Variants in SEZ6L observed in about 807,000 individuals in gnomAD.
SEZ6L encodes the protein seizure related 6 homolog like.
In SEZ6L, 37 loss-of-function variants were observed where a neutral mutation model predicts 106.2. The ratio of observed to expected loss-of-function variants is 0.35; its 90% CI spans 0.27 to 0.46. The LOEUF (loss-of-function observed/expected upper bound fraction) is 0.46. Among genes scored for constraint, SEZ6L ranks in the 20% least tolerant of loss-of-function variants. The pLI, the probability that SEZ6L is intolerant of heterozygous loss-of-function variation, is 1.00. For missense variants in SEZ6L, 1,172 were observed against 1,332.8 expected, an observed-to-expected ratio of 0.88 and a Z score of 1.88; for synonymous variants, 541 against 570.4, an observed-to-expected ratio of 0.95 and a Z score of 0.73.
At chr22:26,187,265 C>T (rs1411156666) in intron 1 of SEZ6L, among the ~76,000 whole-genome samples, 1 of 152,170 alleles carries the variant, frequency 6.6e-6, no homozygotes, top group Non-Finnish European at 1.5e-5. Flanking sequence ...GGGGGAAAAG[C>T]CCCTTCTCAG....
rs117739783 is a variant in SEZ6L, at chr22:26,319,849, G to T, written c.2015+5947G>T. ...TAGGTGCTTAATAAATAAAAGGCAAGGAAGTAAATGTAGCTTGTCAGGATC... is the reference window on the plus strand; with the variant it reads ...TAGGTGCTTAATAAATAAAAGGCAATGAAGTAAATGTAGCTTGTCAGGATC... On this transcript the variant is annotated intron_variant, in intron 9 of 16. Coordinates refer to ENST00000248933, the MANE Select transcript of SEZ6L (RefSeq NM_021115.5). Among the ~76,000 whole-genome samples the T allele has an allele frequency of 4.8e-3, 725 of 152,302 alleles. 14 individuals carry two copies. The East Asian group carries it at 0.059, about 12-fold the overall frequency.
intron 9 of SEZ6L, among the ~76,000 whole-genome samples, chr22:26,338,428 T>C (rs537953205): frequency 4.7e-4 from 71 of 152,334 alleles, no homozygotes; most frequent in African/African-American, 1.6e-3. Flanking sequence ...GATGAGTTCT[T>C]GCTCTATTGC....
intron 1 of SEZ6L, among the ~76,000 whole-genome samples, chr22:26,273,237 C>T (rs2080427215): frequency 6.6e-6 from 1 of 152,238 alleles, no homozygotes; most frequent in South Asian, 2.1e-4. Flanking sequence ...ATCTTTCCCC[C>T]ACCCCAGGAC....
intron 13 of SEZ6L, among the ~76,000 whole-genome samples, chr22:26,371,335 G>A (rs534017476): frequency 2.6e-5 from 4 of 151,862 alleles, no homozygotes; most frequent in African/African-American, 7.3e-5. Flanking sequence ...TCACCAAATC[G>A]TTTCCCACAA....
intron 1 of SEZ6L, among the ~76,000 whole-genome samples, chr22:26,257,247 G>A (rs578047493): frequency 6.6e-6 from 1 of 152,286 alleles, no homozygotes; most frequent in East Asian, 1.9e-4. Flanking sequence ...ATGCACCTAA[G>A]CAAGCTCTAG....
intron 1 of SEZ6L, among the ~76,000 whole-genome samples, chr22:26,273,419 C>A (rs1301344434): frequency 1.3e-5 from 2 of 152,262 alleles, no homozygotes; most frequent in Non-Finnish European, 2.9e-5. Context: ...AAACCCAGCA[C>A]CTGCCCACTG....
chr22:26,327,477 TCA>T (rs1367003346), intron 9 of SEZ6L, among the ~76,000 whole-genome samples: 2 of 77,770 alleles, frequency 2.6e-5, no homozygotes, highest in East Asian at 3.8e-4. Flanking sequence ...CACACACCCC[TCA>T]CACACACCAC....
intron 13 of SEZ6L, among the ~76,000 whole-genome samples, chr22:26,369,356 T>TTTTTTTTTTTTTTTTTTTTTTTTTTTTTG (rs1601635216): frequency 2.4e-5 from 3 of 127,136 alleles, no homozygotes; most frequent in Admixed American, 1.7e-4. Flanking sequence ...GTTTTTTTTT[T>TTTTTTTTTTTTTTTTTTTTTTTTTTTTTG]TGAGACAGAT....
chr22:26,176,855 C>T (rs1939035876), intron 1 of SEZ6L, among the ~76,000 whole-genome samples: 1 of 152,200 alleles, frequency 6.6e-6, no homozygotes, highest in African/African-American at 2.4e-5. Flanking sequence ...TCTTGCTTCT[C>T]TCCTGTCTAT....
At chr22:26,376,482 C>T (rs2084228142) in intron 15 of SEZ6L, among the ~76,000 whole-genome samples, 1 of 152,156 alleles carries the variant, frequency 6.6e-6, no homozygotes, top group Non-Finnish European at 1.5e-5. Flanking sequence ...TGGCTCACAC[C>T]TGTAATCCCA....
intron 1 of SEZ6L, among the ~76,000 whole-genome samples, chr22:26,266,188 T>G: frequency 6.6e-6 from 1 of 152,138 alleles, no homozygotes; most frequent in African/African-American, 2.4e-5. Context: ...GAGTCCTCAA[T>G]GGCAGAGTTG....
At chr22:26,339,236 G>C (rs938931728) in intron 9 of SEZ6L, among the ~76,000 whole-genome samples, 2 of 151,876 alleles carry the variant, frequency 1.3e-5, no homozygotes, top group African/African-American at 2.4e-5. Context: ...GCTCATAGTA[G>C]ATGCTCAAAA....
intron 13 of SEZ6L, among the ~76,000 whole-genome samples, chr22:26,369,779 TTTTA>T (rs538955392): frequency 5.3e-5 from 8 of 152,058 alleles, no homozygotes; most frequent in Admixed American, 1.3e-4. Context: ...TTTGAATTTA[TTTTA>T]TTTGTGTATT....
chr22:26,317,128 GAGGGAATGGATCAA>G (rs1373420861), intron 9 of SEZ6L, among the ~76,000 whole-genome samples: 3 of 152,114 alleles, frequency 2.0e-5, no homozygotes, highest in African/African-American at 7.2e-5. Flanking sequence ...AGAGACTACA[GAGGGAATGGATCAA>G]AGGGAAGCTC....
At chr22:26,304,774 T>TA (rs1034763432) in intron 5 of SEZ6L, among the ~76,000 whole-genome samples, 5 of 152,206 alleles carry the variant, frequency 3.3e-5, no homozygotes, top group Non-Finnish European at 5.9e-5. Flanking sequence ...TTTTTTCACT[T>TA]AAAAAATAGT....
Position 26,173,096 on chromosome 22 carries a change from A to G in SEZ6L, c.94+3333A>G, listed in dbSNP as rs546645561. Among the ~76,000 whole-genome samples the G allele has an allele frequency of 7.9e-5, 12 of 152,302 alleles. No individual in the cohort carries two copies. In the South Asian group the frequency reaches 2.5e-3, roughly 32 times the overall value. ...ATTTTATCTGAACTCCCATTTCACCATCTGAGGAATGGGGGCAGGGCAAGG... is the reference window on the plus strand; with the variant it reads ...ATTTTATCTGAACTCCCATTTCACCGTCTGAGGAATGGGGGCAGGGCAAGG... On this transcript the variant is annotated intron_variant, in intron 1 of 16. Transcript: ENST00000248933.
At chr22:26,299,535 A>G (rs752867863) in intron 5 of SEZ6L, among the ~76,000 whole-genome samples, 1 of 152,098 alleles carries the variant, frequency 6.6e-6, no homozygotes, top group Non-Finnish European at 1.5e-5. Context: ...GGATTTATCT[A>G]TTGTGGATAT....
intron 1 of SEZ6L, among the ~76,000 whole-genome samples, chr22:26,236,897 G>T (rs565942833): frequency 6.6e-6 from 1 of 152,158 alleles, no homozygotes; most frequent in South Asian, 2.1e-4. Flanking sequence ...ATACACAACA[G>T]TCCCCCTAAC....
intron 9 of SEZ6L, among the ~76,000 whole-genome samples, chr22:26,322,089 G>C (rs1400394804): frequency 6.6e-6 from 1 of 152,204 alleles, no homozygotes; most frequent in African/African-American, 2.4e-5. Context: ...TGTGGGTAGA[G>C]ATAATTACAG....
Sources: gnomAD v4.1 joint callset for allele counts (sites outside exome capture counted in the v4.1 genomes callset) on GRCh38, gnomAD v4.1.1 for gene constraint, MANE v1.5 for transcripts, NCBI Gene and HGNC (gene_info 2026-07-23, HGNC 2026-07-21) for gene names.